The following KCNQ5 variants were observed in gnomAD, a reference collection of about 807,000 sequenced individuals.
KCNQ5 encodes the protein potassium voltage-gated channel subfamily KQT member 5.
A neutral mutation model predicts 98.2 loss-of-function variants in KCNQ5; 30 were observed. That is an observed-to-expected ratio of 0.31 (90% CI 0.23 to 0.41). The LOEUF is 0.41. Among genes scored for constraint, KCNQ5 ranks in the 10% least tolerant of loss-of-function variants. The probability of loss-of-function intolerance (pLI) is 1.00; values close to 1 mark genes in which losing one functional copy is unlikely to be tolerated. For missense variants in KCNQ5, 835 were observed against 1,182.5 expected (o/e 0.71, Z 4.31); for synonymous variants, 458 against 449.4 (o/e 1.02, Z -0.24).
chr6:73,060,615 A>C (rs922799109), intron 3 of KCNQ5, among the ~76,000 whole-genome samples: 4 of 152,170 alleles, frequency 2.6e-5, no homozygotes, highest in Non-Finnish European at 5.9e-5. Flanking sequence ...CAAAAGACAA[A>C]TGTGGAAAAA....
intron 5 of KCNQ5, among the ~76,000 whole-genome samples, chr6:73,087,005 C>T (rs1398591216): frequency 6.6e-6 from 1 of 152,146 alleles, no homozygotes; most frequent in African/African-American, 2.4e-5. Context: ...GTGCAGTGAG[C>T]AAGGGTAAAA....
chr6:72,702,648 C>T (rs563868365), intron 1 of KCNQ5, among the ~76,000 whole-genome samples: 5 of 152,088 alleles, frequency 3.3e-5, no homozygotes, highest in Non-Finnish European at 7.4e-5. Context: ...GATGTTCTCC[C>T]ATGTCTTCAG....
At chr6:73,160,820 GGGTCCT>G (rs1388743348) in intron 10 of KCNQ5, among the ~76,000 whole-genome samples, 1 of 152,144 alleles carries the variant, frequency 6.6e-6, no homozygotes, top group Non-Finnish European at 1.5e-5. Flanking sequence ...TCCAACGCCT[GGGTCCT>G]AGCCTTTGGT....
At chr6:73,125,185 C>T (rs1390549855) in intron 9 of KCNQ5, among the ~76,000 whole-genome samples, 2 of 151,374 alleles carry the variant, frequency 1.3e-5, no homozygotes, top group African/African-American at 4.9e-5. Context: ...AGAAGACAAC[C>T]CTCCCAAAAA....
At chr6:73,056,886 T>C (rs1239749845) in intron 3 of KCNQ5, among the ~76,000 whole-genome samples, 5 of 152,164 alleles carry the variant, frequency 3.3e-5, no homozygotes, top group Non-Finnish European at 7.3e-5. Context: ...GGTGGGACTG[T>C]AAACTAGTTC....
chr6:73,005,950 A>G (rs973222035), intron 2 of KCNQ5, among the ~76,000 whole-genome samples: 2 of 152,260 alleles, frequency 1.3e-5, no homozygotes, highest in East Asian at 3.8e-4. Flanking sequence ...TAAGATTCAC[A>G]GATGAAATTC....
intron 1 of KCNQ5, among the ~76,000 whole-genome samples, chr6:72,742,089 TTA>T (rs1771157844): frequency 6.6e-6 from 1 of 152,200 alleles, no homozygotes. Flanking sequence ...AACTGAAGGT[TTA>T]TTCGCTTGGG....
At chr6:72,947,560 G>A (rs1274788581) in intron 1 of KCNQ5, among the ~76,000 whole-genome samples, 1 of 151,982 alleles carries the variant, frequency 6.6e-6, no homozygotes, top group Non-Finnish European at 1.5e-5. Flanking sequence ...AGTGTTGAAG[G>A]GTTTCTTACT....
intron 1 of KCNQ5, among the ~76,000 whole-genome samples, chr6:72,836,143 C>G (rs1051300940): frequency 2.6e-5 from 4 of 152,112 alleles, no homozygotes; most frequent in African/African-American, 9.7e-5. Flanking sequence ...AGCTTCCTCA[C>G]TAATAATATA....
At chr6:73,159,990 T>TG (rs769727136) in intron 10 of KCNQ5, among the ~76,000 whole-genome samples, 4,374 of 120,888 alleles carry the variant, frequency 0.036, 80 homozygotes, top group African/African-American at 0.094. Context: ...CCGCTATGGT[T>TG]TTTTTTGTTT....
intron 10 of KCNQ5, among the ~76,000 whole-genome samples, chr6:73,163,480 C>T (rs1043744512): frequency 4.6e-5 from 7 of 152,208 alleles, no homozygotes; most frequent in African/African-American, 1.7e-4. Context: ...GGCATGGTGG[C>T]TCACACCTGT....
intron 1 of KCNQ5, among the ~76,000 whole-genome samples, chr6:72,813,307 G>C (rs538975966): frequency 6.6e-6 from 1 of 151,996 alleles, no homozygotes; most frequent in Non-Finnish European, 1.5e-5. Flanking sequence ...AGGCCACTTG[G>C]GGAAACATTT....
chr6:73,077,529 A>G, intron 4 of KCNQ5, 32 bp downstream of exon 4: 1 of 1,578,778 alleles, frequency 6.3e-7, no homozygotes, highest in African/African-American at 1.4e-5. Context: ...TAAAAACACA[A>G]TTTTTGAAAC....
At chr6:73,059,716 G>A (rs776454219) in intron 3 of KCNQ5, among the ~76,000 whole-genome samples, 14 of 151,780 alleles carry the variant, frequency 9.2e-5, no homozygotes, top group Admixed American at 2.6e-4. Context: ...TTTTTAACAA[G>A]CAGAAGTTAA....
At chr6:72,733,404 G>A (rs767182687) in intron 1 of KCNQ5, among the ~76,000 whole-genome samples, 44 of 152,182 alleles carry the variant, frequency 2.9e-4, no homozygotes, top group Non-Finnish European at 5.0e-4. Context: ...GAGGAACAAC[G>A]CAAGGTAGCT....
At chr6:72,758,840 A>C (rs1285114532) in intron 1 of KCNQ5, among the ~76,000 whole-genome samples, 1 of 152,138 alleles carries the variant, frequency 6.6e-6, no homozygotes, top group Non-Finnish European at 1.5e-5. Context: ...TAAGAAAGAG[A>C]CATGACCTGC....
intron 1 of KCNQ5, among the ~76,000 whole-genome samples, chr6:72,827,120 A>T (rs1776036953): frequency 6.6e-6 from 1 of 152,110 alleles, no homozygotes; most frequent in African/African-American, 2.4e-5. Flanking sequence ...TGATCCATTC[A>T]TCTGTTGTGG....
intron 1 of KCNQ5, among the ~76,000 whole-genome samples, chr6:72,901,422 G>A (rs1414073479): frequency 2.6e-5 from 4 of 152,092 alleles, no homozygotes; most frequent in Admixed American, 2.6e-4. Flanking sequence ...AATCCTTGCC[G>A]AAGCCAATGT....
intron 8 of KCNQ5, among the ~76,000 whole-genome samples, chr6:73,120,828 A>G (rs1376797969): frequency 6.6e-6 from 1 of 152,212 alleles, no homozygotes; most frequent in Non-Finnish European, 1.5e-5. Flanking sequence ...TATTTTTACT[A>G]TTTCATGCTT....
Sources: gnomAD v4.1 joint callset for allele counts (sites outside exome capture counted in the v4.1 genomes callset) on GRCh38, gnomAD v4.1.1 for gene constraint, MANE v1.5 for transcripts, NCBI Gene and HGNC (gene_info 2026-07-23, HGNC 2026-07-21) for gene names.